Variants in CAMK1D observed in about 807,000 individuals in gnomAD.
CAMK1D encodes the protein calcium/calmodulin dependent protein kinase ID, also known as calcium/calmodulin-dependent protein kinase type 1D.
A neutral mutation model predicts 47.7 loss-of-function variants in CAMK1D; 9 were observed. The ratio of observed to expected loss-of-function variants is 0.19; its 90% CI spans 0.11 to 0.33. CAMK1D has a LOEUF of 0.33. Ranked by LOEUF, CAMK1D falls within the 10% of genes least tolerant of loss-of-function variation. CAMK1D has a pLI of 1.00. For synonymous variants in CAMK1D, 184 were observed against 184.9 expected (o/e 0.99, Z 0.04); for missense variants, 291 against 488.7 (o/e 0.60, Z 3.81).
In CAMK1D at chr10:12,816,230, T is replaced by C. The variant is rs1303956551; in HGVS notation, c.755-20T>C. 7 of 1,609,988 alleles carry C rather than the reference T, an allele frequency of 4.3e-6. No homozygotes were observed. Among genetic ancestry groups the C allele is most frequent in the Non-Finnish European group, 5.9e-6 (7 of 1,176,812 alleles). ...CAAGTCGCAAAGTGATTCCTTCCCT[T>C]GTGCCTTCTTTTTGAACAGCAAAAG... On this transcript the variant is annotated intron_variant, in intron 7 of 10. Transcript: ENST00000619168.
intron 5 of CAMK1D, among the ~76,000 whole-genome samples, chr10:12,783,462 G>A (rs1187531258): frequency 6.6e-6 from 1 of 152,152 alleles, no homozygotes; most frequent in Non-Finnish European, 1.5e-5. Context: ...CACCCTGAAC[G>A]TGGGCTTCCT....
chr10:12,648,210 C>T (rs988532233), intron 2 of CAMK1D, among the ~76,000 whole-genome samples: 1 of 152,284 alleles, frequency 6.6e-6, no homozygotes, highest in East Asian at 1.9e-4. Flanking sequence ...TCGTGGGGCA[C>T]TCACTTAATT....
intron 2 of CAMK1D, among the ~76,000 whole-genome samples, chr10:12,636,589 A>C (rs1343338300): frequency 1.3e-5 from 2 of 152,124 alleles, no homozygotes; most frequent in African/African-American, 4.8e-5. Context: ...CAGCCTCCCA[A>C]AGTGCTGGGA....
intron 2 of CAMK1D, among the ~76,000 whole-genome samples, chr10:12,569,554 C>A (rs1483568724): frequency 3.9e-4 from 53 of 135,758 alleles, no homozygotes; most frequent in Admixed American, 5.2e-4. Context: ...ACTAAAAATA[C>A]AAAAAAAAAA....
chr10:12,622,091 G>C (rs933850147), intron 2 of CAMK1D, among the ~76,000 whole-genome samples: 4 of 152,164 alleles, frequency 2.6e-5, no homozygotes, highest in Non-Finnish European at 5.9e-5. Context: ...TAGCCATTAG[G>C]GACAAAAGTC....
chr10:12,822,679 G>A (rs770317619), intron 8 of CAMK1D, among the ~76,000 whole-genome samples: 9 of 152,218 alleles, frequency 5.9e-5, no homozygotes, highest in South Asian at 2.1e-4. Flanking sequence ...AGAGCTGGCC[G>A]CTGCAAGCTT....
chr10:12,486,332 G>C (rs1834214775), intron 1 of CAMK1D, among the ~76,000 whole-genome samples: 1 of 152,006 alleles, frequency 6.6e-6, no homozygotes, highest in Non-Finnish European at 1.5e-5. Flanking sequence ...CTAATTTTTT[G>C]TATTTTTAGT....
rs1470066806 is a variant in CAMK1D, at chr10:12,525,059, C to G, written c.93-28166C>G. 2.5e-4 allele frequency among the ~76,000 whole-genome samples: 38 copies of G among 151,928 alleles called. 1 individual carries two copies. The highest frequency in any genetic ancestry group is 2.5e-3 in the Admixed American group (38 of 15,222). On this transcript the variant is annotated intron_variant, in intron 1 of 10. Coordinates refer to ENST00000619168, the MANE Select transcript of CAMK1D (RefSeq NM_153498.4). ...TTTAAGGATTTTTTTCCATTGTCTT[C>G]TGACTTCCATCATTCATGATGAGAA...
intron 3 of CAMK1D, among the ~76,000 whole-genome samples, chr10:12,680,742 A>T (rs1840964690): frequency 6.6e-6 from 1 of 152,030 alleles, no homozygotes; most frequent in Non-Finnish European, 1.5e-5. Context: ...ATTCTGCTAG[A>T]TCCCCTTTTG....
intron 5 of CAMK1D, among the ~76,000 whole-genome samples, chr10:12,779,455 A>G (rs766265769): frequency 3.4e-4 from 51 of 152,174 alleles, no homozygotes; most frequent in South Asian, 8.3e-4. Flanking sequence ...TTTTCAAGAG[A>G]CAGGGTCTCT....
rs78129849 is a variant in CAMK1D at position 12,797,507 on chromosome 10, C to A, written c.641+6274C>A. Among the ~76,000 whole-genome samples the A allele has an allele frequency of 1.3e-3, 192 of 152,168 alleles. 3 individuals are homozygous for A. The highest frequency in any genetic ancestry group is 4.5e-3 in the African/African-American group (185 of 41,508). ...CAGGTATGAGCCACAGTGCCCAGCC[C>A]CTACTGACCAGTTCTTATGAACCCT... On this transcript the variant is annotated intron_variant, in intron 6 of 10. Coordinates refer to ENST00000619168, the MANE Select transcript of CAMK1D (RefSeq NM_153498.4).
chr10:12,730,464 G>A (rs1031597357), intron 3 of CAMK1D, among the ~76,000 whole-genome samples: 13 of 152,284 alleles, frequency 8.5e-5, no homozygotes, highest in Admixed American at 4.6e-4. Context: ...TGAATAGGCC[G>A]TTGGATATAT....
chr10:12,788,509 T>G (rs1837833399), intron 5 of CAMK1D, among the ~76,000 whole-genome samples: 2 of 152,218 alleles, frequency 1.3e-5, no homozygotes. Flanking sequence ...GGGAAGCTGG[T>G]CAGCCGTTGC....
intron 2 of CAMK1D, among the ~76,000 whole-genome samples, chr10:12,648,335 C>T (rs78375658): frequency 0.26 from 38,994 of 151,994 alleles, 5,077 homozygotes; most frequent in South Asian, 0.36. Context: ...CCCTGCCTAG[C>T]GATGGCGTTT....
At chr10:12,747,025 C>CT (rs1420188480) in intron 3 of CAMK1D, among the ~76,000 whole-genome samples, 1 of 141,450 alleles carries the variant, frequency 7.1e-6, no homozygotes, top group African/African-American at 2.7e-5. Context: ...TAATTTAATT[C>CT]TTTTTGTTTG....
chr10:12,657,003 G>A (rs888681425), intron 2 of CAMK1D, among the ~76,000 whole-genome samples: 1 of 152,176 alleles, frequency 6.6e-6, no homozygotes, highest in East Asian at 1.9e-4. Flanking sequence ...GAGCTAAGAC[G>A]CAAGCTAATC....
chr10:12,763,869 A>T (rs1055210573), intron 4 of CAMK1D, among the ~76,000 whole-genome samples: 3 of 152,110 alleles, frequency 2.0e-5, no homozygotes, highest in Non-Finnish European at 4.4e-5. Flanking sequence ...CGAAAACTTA[A>T]TTTTTCCAGT....
chr10:12,607,976 TAAAG>T (rs964650262), intron 2 of CAMK1D, among the ~76,000 whole-genome samples: 8 of 151,650 alleles, frequency 5.3e-5, no homozygotes, highest in African/African-American at 2.4e-5. Context: ...AATAAATAAG[TAAAG>T]AAAGAAAGAC....
intron 2 of CAMK1D, among the ~76,000 whole-genome samples, chr10:12,601,621 G>C (rs764722277): frequency 6.6e-6 from 1 of 152,082 alleles, no homozygotes; most frequent in Admixed American, 6.5e-5. Context: ...CCGCCACCAC[G>C]TCTGGCTGGT....
Sources: allele counts gnomAD v4.1 joint callset (sites outside exome capture counted in the v4.1 genomes callset), GRCh38; gene constraint gnomAD v4.1.1; transcripts MANE v1.5; gene names NCBI Gene and HGNC (gene_info 2026-07-23, HGNC 2026-07-21).